Variants in LPXN observed in about 807,000 individuals in gnomAD.
LPXN encodes the protein leupaxin.
In LPXN, 28 loss-of-function variants were observed where a neutral mutation model predicts 45.6. That is an observed-to-expected ratio of 0.61 (90% CI 0.45 to 0.84). LPXN has a LOEUF of 0.84. Ranked by LOEUF, LPXN falls within the 40% of genes least tolerant of loss-of-function variation. The pLI is 0.00. For synonymous variants in LPXN, 166 were observed against 169.9 expected (o/e 0.98, Z 0.18); for missense variants, 459 against 475.0 (o/e 0.97, Z 0.31).
chr11:58,529,898 G>C (rs557083573), intron 7 of LPXN, among the ~76,000 whole-genome samples: 82 of 152,262 alleles, frequency 5.4e-4, no homozygotes, highest in African/African-American at 1.9e-3. Flanking sequence ...AGCCGAAAAA[G>C]GGTGGGGTGT....
At chr11:58,534,039 C>T (rs1590754146) in intron 7 of LPXN, among the ~76,000 whole-genome samples, 1 of 152,120 alleles carries the variant, frequency 6.6e-6, no homozygotes, top group East Asian at 1.9e-4. Context: ...TCTTAGAGAC[C>T]TACAAAGACT....
chr11:58,538,218 T>C (rs889830314), intron 7 of LPXN, among the ~76,000 whole-genome samples: 7 of 152,304 alleles, frequency 4.6e-5, no homozygotes, highest in Non-Finnish European at 1.0e-4. Flanking sequence ...TTGTGAATAG[T>C]GCCGCCATAA....
chr11:58,570,673 G>T lies in LPXN; in HGVS notation c.54C>A (p.Asp18Glu), dbSNP rs769076445. The change falls in exon 2 of 9, where the codon GAC becomes GAA. Residue 18 changes from aspartate (D) to glutamate (E), a missense_variant. Coordinates refer to ENST00000395074, the MANE Select transcript of LPXN (RefSeq NM_004811.3). ...GAGCTGGGTTGGAATATTCATCACT[G>T]TCCTGAAGGGTGGAGCGTTCCAGTT... ...LEELERSTLQ[D>E]SDEYSNPAPL... is the part of the protein sequence containing the mutation. 5 of 1,613,308 alleles carry T rather than the reference G, an allele frequency of 3.1e-6. No individual in the cohort carries two copies. Among genetic ancestry groups the T allele is most frequent in the Non-Finnish European group, 4.2e-6 (5 of 1,179,486 alleles).
chr11:58,577,014 A>G (rs1331590546), upstream of LPXN, among the ~76,000 whole-genome samples: 3 of 152,034 alleles, frequency 2.0e-5, no homozygotes, highest in Non-Finnish European at 4.4e-5. Context: ...CTGGTCTGGA[A>G]GTTCTGGGCT....
chr11:58,528,345 G>A (rs1269790509), intron 7 of LPXN, among the ~76,000 whole-genome samples, 154 bp from the exon 8 acceptor site: 1 of 152,210 alleles, frequency 6.6e-6, no homozygotes, highest in Admixed American at 6.5e-5. Flanking sequence ...AGAAATAAAT[G>A]AGATAATGCA....
intron 3 of LPXN, among the ~76,000 whole-genome samples, chr11:58,561,689 G>A (rs1854382915): frequency 6.6e-6 from 1 of 152,194 alleles, no homozygotes; most frequent in East Asian, 1.9e-4. Context: ...AGCAGGGCTT[G>A]TATATTCCTA....
At chr11:58,575,206 A>G (rs1271272204) in intron 1 of LPXN, among the ~76,000 whole-genome samples, 2 of 152,196 alleles carry the variant, frequency 1.3e-5, no homozygotes, top group African/African-American at 4.8e-5. Flanking sequence ...CTGAATAAAA[A>G]GCTTAGCAAC....
intron 1 of LPXN, among the ~76,000 whole-genome samples, chr11:58,571,493 C>T (rs192967176): frequency 0.017 from 2,528 of 151,890 alleles, 25 homozygotes; most frequent in Non-Finnish European, 0.025. Flanking sequence ...TTTCTTAAAT[C>T]TTAACAATTA....
chr11:58,532,535 G>A (rs548714365), intron 7 of LPXN, among the ~76,000 whole-genome samples: 2 of 152,098 alleles, frequency 1.3e-5, no homozygotes, highest in East Asian at 3.9e-4. Context: ...CTAAAGGTTT[G>A]TAAATGCACC....
chr11:58,564,871 G>C (rs1854482044), intron 2 of LPXN, among the ~76,000 whole-genome samples: 2 of 152,184 alleles, frequency 1.3e-5, no homozygotes, highest in African/African-American at 4.8e-5. Context: ...GAACGCTTGA[G>C]CAAGGACTTA....
In LPXN at chr11:58,527,544, G is replaced by A. The variant is rs1386505832; in HGVS notation, c.1071C>T (p.Phe357=). Residue 357 remains phenylalanine (F), a synonymous_variant, in exon 9 of 9, where the codon TTC becomes TTT. Coordinates refer to ENST00000395074, the MANE Select transcript of LPXN (RefSeq NM_004811.3). The part of the protein sequence containing the change: ...KFHPEHFVCA[F]CLTQLSKGIF... ...TGCCCTTCGACAACTGTGTCAGGCAGAAAGCACACACAAAGTGCTCAGGAT... is the reference window on the plus strand; with the variant it reads ...TGCCCTTCGACAACTGTGTCAGGCAAAAAGCACACACAAAGTGCTCAGGAT... The A allele has an allele frequency of 6.2e-7, 1 of 1,614,184 alleles. No individual in the cohort carries two copies.
chr11:58,532,257 TC>T (rs1456086984), intron 7 of LPXN, among the ~76,000 whole-genome samples: 3 of 152,140 alleles, frequency 2.0e-5, no homozygotes, highest in Non-Finnish European at 4.4e-5. Flanking sequence ...AGCCCAAGCC[TC>T]CCCGACAGGT....
At chr11:58,529,587 G>T (rs1409908673) in intron 7 of LPXN, among the ~76,000 whole-genome samples, 1 of 146,670 alleles carries the variant, frequency 6.8e-6, no homozygotes, top group Admixed American at 6.8e-5. Context: ...TCCAGCCTGG[G>T]AGATAGTGAG....
chr11:58,573,263 A>T (rs1174198989), intron 1 of LPXN, among the ~76,000 whole-genome samples: 1 of 150,844 alleles, frequency 6.6e-6, no homozygotes, highest in Non-Finnish European at 1.5e-5. Context: ...AAAAAAAAAG[A>T]AAAGAAAAGA....
At chr11:58,575,665 T>A in intron 1 of LPXN, 95 bp downstream of exon 1, 1 of 1,347,448 alleles carries the variant, frequency 7.4e-7, no homozygotes, top group Non-Finnish European at 1.1e-6. Flanking sequence ...CTTCCATTAC[T>A]ACCCTCAGTC....
upstream of LPXN, chr11:58,577,900 T>G: frequency 8.6e-7 from 1 of 1,158,568 alleles, no homozygotes; most frequent in Non-Finnish European, 1.2e-6. Context: ...GTTTCACAGA[T>G]TTGATTAAGA....
chr11:58,549,563 G>T (rs1853976520), intron 7 of LPXN, among the ~76,000 whole-genome samples: 1 of 152,158 alleles, frequency 6.6e-6, no homozygotes. Flanking sequence ...AGTAATATTT[G>T]AGTTTTTAAA....
At chr11:58,532,911 A>G (rs1853437731) in intron 7 of LPXN, among the ~76,000 whole-genome samples, 1 of 152,182 alleles carries the variant, frequency 6.6e-6, no homozygotes, top group South Asian at 2.1e-4. Context: ...ATGAGCTGTA[A>G]CACTCACCGC....
At chr11:58,574,430 A>C (rs1345609242) in intron 1 of LPXN, among the ~76,000 whole-genome samples, 2 of 152,206 alleles carry the variant, frequency 1.3e-5, no homozygotes, top group African/African-American at 2.4e-5. Context: ...AGTGGATAAC[A>C]CCTATTTCAG....
Sources: gnomAD v4.1 joint callset for allele counts (sites outside exome capture counted in the v4.1 genomes callset) on GRCh38, gnomAD v4.1.1 for gene constraint, MANE v1.5 for transcripts, NCBI Gene and HGNC (gene_info 2026-07-23, HGNC 2026-07-21) for gene names.